GPHN: variants seen among roughly 807,000 people sequenced by gnomAD.
GPHN encodes gephyrin.
GPHN carries 17 observed loss-of-function variants against 95.5 expected under a neutral mutation model. The ratio of observed to expected loss-of-function variants is 0.18; its 90% CI spans 0.12 to 0.27. The LOEUF is 0.27. GPHN is among the 10% of genes least tolerant of loss of function. GPHN has a pLI of 1.00. For missense variants in GPHN, 660 were observed against 978.1 expected, an observed-to-expected ratio of 0.67 and a Z score of 4.34; for synonymous variants, 320 against 322.5, an observed-to-expected ratio of 0.99 and a Z score of 0.08.
chr14:67,153,628 A>C (rs769353536), intron 18 of GPHN, among the ~76,000 whole-genome samples: 2 of 152,160 alleles, frequency 1.3e-5, no homozygotes, highest in Non-Finnish European at 2.9e-5. Context: ...AGTTTTATTC[A>C]GTTTCATTGC....
In GPHN at chr14:66,633,873, A is replaced by G. The variant is rs111918762; in HGVS notation, c.65-47234A>G. Among the ~76,000 whole-genome samples the G allele has an allele frequency of 3.6e-3, 554 of 152,048 alleles. 11 individuals are homozygous for G. The highest frequency in any genetic ancestry group is 0.013 in the African/African-American group (527 of 41,518). ...TTAAATGTATGACTTGAGACTGTCA[A>G]ACTACTAAAAGAAAACATTGCAGGA... On this transcript the variant is annotated intron_variant, in intron 1 of 22. Coordinates refer to ENST00000478722, the MANE Select transcript of GPHN (RefSeq NM_020806.5).
intron 13 of GPHN, among the ~76,000 whole-genome samples, chr14:67,108,280 G>C (rs1199126681): frequency 1.3e-5 from 2 of 152,142 alleles, no homozygotes; most frequent in Admixed American, 6.6e-5. Context: ...TGCAGCCCAG[G>C]AGGAAAAGAG....
At chr14:67,733,461 A>G in the GPHN span, among the ~76,000 whole-genome samples, 2 of 152,222 alleles carry the variant, frequency 1.3e-5, no homozygotes, top group African/African-American at 4.8e-5. Flanking sequence ...GTTGTTGCAG[A>G]TATCCTAGAA....
intron 4 of GPHN, among the ~76,000 whole-genome samples, chr14:66,876,025 C>G (rs10083471): frequency 0.07 from 10,577 of 152,094 alleles, 896 homozygotes; most frequent in African/African-American, 0.2. Context: ...TCAGCAAATG[C>G]AAAAGAACTG....
the GPHN span, among the ~76,000 whole-genome samples, chr14:67,595,517 T>C: frequency 6.6e-6 from 1 of 152,236 alleles, no homozygotes; most frequent in Non-Finnish European, 1.5e-5. Context: ...AATTGAACAG[T>C]GAGTGAACCA....
chr14:66,944,879 C>T (rs546618672), intron 8 of GPHN, among the ~76,000 whole-genome samples: 53 of 152,348 alleles, frequency 3.5e-4, no homozygotes, highest in Non-Finnish European at 4.1e-4. Flanking sequence ...GGCCATGCAT[C>T]CCAGCCCTGG....
chr14:67,656,255 A>AG, the GPHN span, among the ~76,000 whole-genome samples: 10 of 152,024 alleles, frequency 6.6e-5, no homozygotes, highest in Non-Finnish European at 1.5e-4. Context: ...CAAAAAAAAA[A>AG]AAAAAATTAA....
chr14:67,576,711 T>G, the GPHN span, among the ~76,000 whole-genome samples: 60 of 152,300 alleles, frequency 3.9e-4, no homozygotes, highest in African/African-American at 1.4e-3. The surrounding 1 kb of genome is among the most constrained non-coding windows in gnomAD (Gnocchi z 4.0). Flanking sequence ...GGAGTTTATC[T>G]GGGAAGCAGG....
At chr14:67,010,396 C>T (rs1271201467) in intron 9 of GPHN, among the ~76,000 whole-genome samples, 1 of 150,836 alleles carries the variant, frequency 6.6e-6, no homozygotes, top group Non-Finnish European at 1.5e-5. Context: ...TAAAAAAATA[C>T]AAAAAATTAG....
At chr14:67,696,500 C>G in the GPHN span, among the ~76,000 whole-genome samples, 2 of 152,160 alleles carry the variant, frequency 1.3e-5, no homozygotes, top group African/African-American at 4.8e-5. Context: ...TTGTGTCTAT[C>G]TTGAATTATG....
At chr14:66,643,879 T>G (rs746278081) in intron 1 of GPHN, among the ~76,000 whole-genome samples, 1 of 151,960 alleles carries the variant, frequency 6.6e-6, no homozygotes, top group Admixed American at 6.6e-5. Flanking sequence ...ATTCACTGTT[T>G]TACTTCGATC....
chr14:67,157,160 T>G (rs1427637684), intron 18 of GPHN, among the ~76,000 whole-genome samples: 2 of 152,030 alleles, frequency 1.3e-5, no homozygotes, highest in African/African-American at 4.8e-5. Flanking sequence ...ATATAGCTGG[T>G]GTAGCTATAT....
chr14:66,648,862 G>A (rs933091436), intron 1 of GPHN, among the ~76,000 whole-genome samples: 5 of 152,180 alleles, frequency 3.3e-5, no homozygotes, highest in Non-Finnish European at 5.9e-5. Context: ...AAATGCTTTA[G>A]TTGTTGCCTG....
the GPHN span, chr14:67,657,347 T>C: frequency 6.6e-6 from 1 of 152,174 alleles, no homozygotes. Context: ...ACAAAAAACC[T>C]TGAGCCTGCC....
At chr14:66,890,932 AATGTGAAAAAGGCCTT>A (rs1223650167) in intron 5 of GPHN, among the ~76,000 whole-genome samples, 1 of 152,148 alleles carries the variant, frequency 6.6e-6, no homozygotes, top group Admixed American at 6.5e-5. Flanking sequence ...AAACTACCTT[AATGTGAAAAAGGCCTT>A]ATGTAAAAAA....
At chr14:66,914,187 C>A (rs1425757955) in intron 5 of GPHN, among the ~76,000 whole-genome samples, 1 of 152,104 alleles carries the variant, frequency 6.6e-6, no homozygotes, top group African/African-American at 2.4e-5. Context: ...TATATTAGCA[C>A]TGCTACTAAG....
the GPHN span, among the ~76,000 whole-genome samples, chr14:67,519,514 C>T: frequency 6.6e-6 from 1 of 152,158 alleles, no homozygotes; most frequent in South Asian, 2.1e-4. Flanking sequence ...CCCTCTTGGA[C>T]AGGGAAGGGT....
At chr14:66,712,040 G>A (rs1218650096) in intron 2 of GPHN, among the ~76,000 whole-genome samples, 3 of 152,002 alleles carry the variant, frequency 2.0e-5, no homozygotes, top group African/African-American at 4.8e-5. Context: ...GAATAGTGCC[G>A]CAATAAACAT....
At chr14:66,918,173 G>T (rs2066009525) in intron 6 of GPHN, among the ~76,000 whole-genome samples, 1 of 152,176 alleles carries the variant, frequency 6.6e-6, no homozygotes, top group Non-Finnish European at 1.5e-5. Context: ...AGTGCATAGG[G>T]CAGAGTCTAA....
Sources: allele counts gnomAD v4.1 joint callset (sites outside exome capture counted in the v4.1 genomes callset), GRCh38; gene constraint gnomAD v4.1.1; non-coding constraint Gnocchi (gnomAD v3.1); transcripts MANE v1.5; gene names NCBI Gene and HGNC (gene_info 2026-07-23, HGNC 2026-07-21).